The following PRMT7 variants were observed in gnomAD, a reference collection of about 807,000 sequenced individuals.
PRMT7 encodes protein arginine methyltransferase 7.
In PRMT7, 75 loss-of-function variants were observed where a neutral mutation model predicts 85.4. The observed-to-expected ratio is 0.88, with a 90% CI of 0.73 to 1.06. The LOEUF (loss-of-function observed/expected upper bound fraction) is 1.06. PRMT7 is among the 50% of genes least tolerant of loss of function. PRMT7 has a pLI of 0.00. For missense variants in PRMT7, 868 were observed against 915.2 expected (o/e 0.95, Z 0.67); for synonymous variants, 397 against 359.5 (o/e 1.10, Z -1.18).
intron 6 of PRMT7, among the ~76,000 whole-genome samples, chr16:68,334,060 C>T (rs1205476829): frequency 6.6e-6 from 1 of 152,196 alleles, no homozygotes; most frequent in Non-Finnish European, 1.5e-5. Flanking sequence ...CATGAACCAC[C>T]ACGCCTGGCC....
At chr16:68,313,506 T>C (rs1377894605) in intron 2 of PRMT7, among the ~76,000 whole-genome samples, 1 of 152,164 alleles carries the variant, frequency 6.6e-6, no homozygotes. Flanking sequence ...CCTTTCTAAT[T>C]GGATGAAATG....
chr16:68,320,785 A>ATTC (rs2082397774), intron 3 of PRMT7, among the ~76,000 whole-genome samples: 4 of 152,164 alleles, frequency 2.6e-5, no homozygotes, highest in Non-Finnish European at 4.4e-5. Context: ...AGCACTAGAG[A>ATTC]ATAACAGCTT....
Position 68,356,692 on chromosome 16 carries a change from C to G in PRMT7, c.1812-9C>G, listed in dbSNP as rs1157281422. ...GACTACTTCTGCTGGGCCCCCCTCT[C>G]CTTGACAGGCCCGGGCAGAGCCACG... is the stretch of plus-strand genomic sequence containing the variant. On this transcript the variant is annotated splice_polypyrimidine_tract_variant and intron_variant, in intron 17 of 18. Coordinates refer to ENST00000441236, the MANE Select transcript of PRMT7 (RefSeq NM_019023.5). 6.2e-7 allele frequency: 1 copy of G among 1,609,630 alleles called. No individual in the cohort carries two copies. Among genetic ancestry groups the G allele is most frequent in the African/African-American group, 1.3e-5 (1 of 74,850 alleles).
intron 17 of PRMT7, among the ~76,000 whole-genome samples, chr16:68,356,162 T>A (rs2088410194): frequency 6.6e-6 from 1 of 152,214 alleles, no homozygotes; most frequent in Non-Finnish European, 1.5e-5. Context: ...GGGAGCTTAC[T>A]TCCTGTGGTC....
intron 9 of PRMT7, among the ~76,000 whole-genome samples, chr16:68,344,284 G>A (rs921888311): frequency 6.6e-6 from 1 of 152,150 alleles, no homozygotes; most frequent in African/African-American, 2.4e-5. Flanking sequence ...CTACTTTTTA[G>A]GGCAGTTCTT....
At position 68,329,116 on chromosome 16, in the gene PRMT7, C is replaced by T. The variant is rs750031994; in HGVS notation, c.333C>T (p.Gly111=). The T allele has an allele frequency of 8.7e-6, 14 of 1,612,872 alleles. No individual in the cohort carries two copies. The highest frequency in any genetic ancestry group is 4.4e-5 in the South Asian group (4 of 91,018). ...DAAVKIVEKN[G]FSDKIKVINK... Reference sequence around the variant, plus strand: ...CTGTGAAGATTGTGGAGAAAAATGGCTTTAGTGATAAGATTAAGGTTATCA... The same window carrying T: ...CTGTGAAGATTGTGGAGAAAAATGGTTTTAGTGATAAGATTAAGGTTATCA... Residue 111 remains glycine (G), a synonymous_variant, in exon 6 of 19, where the codon GGC becomes GGT. Coordinates refer to ENST00000441236, the MANE Select transcript of PRMT7 (RefSeq NM_019023.5).
Position 68,327,094 on chromosome 16 carries a change from G to A in PRMT7, c.283-1972G>A, listed in dbSNP as rs142508295. Among the ~76,000 whole-genome samples, 84 of 152,276 alleles carry A rather than the reference G, an allele frequency of 5.5e-4. 1 individual carries two copies. The highest frequency in any genetic ancestry group is 1.7e-3 in the South Asian group (8 of 4,824). ...TGTGTATTCCATGTAAATACTGCGC[G>A]CTAATCAATTGCACAACTGGAGCTG... On this transcript the variant is annotated intron_variant, in intron 5 of 18. Transcript: ENST00000441236.
intron 9 of PRMT7, among the ~76,000 whole-genome samples, chr16:68,340,273 G>A (rs1010264321): frequency 2.0e-5 from 3 of 152,072 alleles, no homozygotes; most frequent in Non-Finnish European, 4.4e-5. Context: ...ATCCCAGGGG[G>A]CTCCCATCAG....
chr16:68,346,404 C>CA, intron 11 of PRMT7, 124 bp downstream of exon 11: 1 of 1,365,030 alleles, frequency 7.3e-7, no homozygotes, highest in South Asian at 1.4e-5. Flanking sequence ...TGAGTGGCTT[C>CA]AGCGAGCGCC....
At chr16:68,359,679 G>C (rs2089120790), downstream of PRMT7, 3 of 152,676 alleles carry the variant, frequency 2.0e-5, no homozygotes, top group African/African-American at 7.2e-5. Context: ...GCCGGCCCTG[G>C]GCCAGGCTGG....
At chr16:68,324,940 C>G (rs1233240480) in intron 5 of PRMT7, 108 bp downstream of exon 5, 4 of 1,414,010 alleles carry the variant, frequency 2.8e-6, no homozygotes, top group Admixed American at 4.2e-5. Flanking sequence ...AGTGCTCACT[C>G]TGTGCCAAGC....
chr16:68,322,661 C>T (rs2082632472), intron 4 of PRMT7, among the ~76,000 whole-genome samples: 1 of 152,072 alleles, frequency 6.6e-6, no homozygotes, highest in Non-Finnish European at 1.5e-5. Flanking sequence ...AATTTAATGG[C>T]ATCGTTAAAG....
chr16:68,316,214 T>G, intron 3 of PRMT7, 140 bp downstream of exon 3: 1 of 708,360 alleles, frequency 1.4e-6, no homozygotes, highest in Admixed American at 2.7e-5. Context: ...TGAGCAGGTC[T>G]GCTCAGCCAG....
chr16:68,355,812 C>G lies in PRMT7; in HGVS notation c.1740C>G (p.Ile580Met), dbSNP rs754103598. Residue 580 changes from isoleucine (I) to methionine (M), a missense_variant, in exon 17 of 19, where the codon ATC becomes ATG. Coordinates refer to ENST00000441236, the MANE Select transcript of PRMT7 (RefSeq NM_019023.5). Reference sequence around the variant, plus strand: ...GCAGCCTCTCCGAGCCCTGGCAGATCCTGACCTTTGACTTCCAGCAGCCGG... The same window carrying G: ...GCAGCCTCTCCGAGCCCTGGCAGATGCTGACCTTTGACTTCCAGCAGCCGG... ...PCRSLSEPWQ[I>M]LTFDFQQPVP... is the part of the protein sequence containing the mutation. The G allele has an allele frequency of 1.9e-6, 3 of 1,611,510 alleles. No individual in the cohort carries two copies. The African/African-American group carries it at 4.0e-5, about 22-fold the overall frequency.
At position 68,313,294 on chromosome 16, in the gene PRMT7, C is replaced by A. The variant is rs143455154; in HGVS notation, c.-84+1118C>A. Among the ~76,000 whole-genome samples the A allele has an allele frequency of 4.7e-4, 72 of 152,256 alleles. 1 individual carries two copies. The highest frequency in any genetic ancestry group is 1.6e-3 in the African/African-American group (67 of 41,526). On this transcript the variant is annotated intron_variant, in intron 2 of 18. Coordinates refer to ENST00000441236, the MANE Select transcript of PRMT7 (RefSeq NM_019023.5). ...AGGTTTGAGGGAGGCACGTCTGACACAGGCACATGAACACCCAGTCATCAC... is the reference window on the plus strand; with the variant it reads ...AGGTTTGAGGGAGGCACGTCTGACAAAGGCACATGAACACCCAGTCATCAC...
At chr16:68,348,011 A>T (rs889161704) in intron 13 of PRMT7, among the ~76,000 whole-genome samples, 1 of 152,158 alleles carries the variant, frequency 6.6e-6, no homozygotes, top group African/African-American at 2.4e-5. Flanking sequence ...GCCTGATGGG[A>T]GATGGCATTT....
rs572219685 is a variant in PRMT7 at position 68,339,052 on chromosome 16, C to T, written c.505-270C>T. Among the ~76,000 whole-genome samples, 81 of 152,256 alleles carry T rather than the reference C, an allele frequency of 5.3e-4. No individual in the cohort carries two copies. In the South Asian group the frequency reaches 1.0e-2, roughly 19 times the overall value. ...CCAGGATCACCACCCAGCAGCAGGACGTGAAGCATTTAAGAGTGCCAGGTA... is the reference window on the plus strand; with the variant it reads ...CCAGGATCACCACCCAGCAGCAGGATGTGAAGCATTTAAGAGTGCCAGGTA... On this transcript the variant is annotated intron_variant, in intron 7 of 18. Coordinates refer to ENST00000441236, the MANE Select transcript of PRMT7 (RefSeq NM_019023.5).
At chr16:68,360,420 AG>A (rs2089187020), downstream of PRMT7, 1 of 148,132 alleles carries the variant, frequency 6.8e-6, no homozygotes, top group Non-Finnish European at 1.5e-5. Context: ...AGGCTCCCGG[AG>A]GAGGCCCAGG....
chr16:68,340,677 G>A (rs993881240), intron 9 of PRMT7, among the ~76,000 whole-genome samples: 1 of 152,166 alleles, frequency 6.6e-6, no homozygotes, highest in Non-Finnish European at 1.5e-5. Flanking sequence ...CAAGCACACT[G>A]TTGGGGAAGC....
Sources: allele counts gnomAD v4.1 joint callset (sites outside exome capture counted in the v4.1 genomes callset), GRCh38; gene constraint gnomAD v4.1.1; transcripts MANE v1.5; gene names NCBI Gene and HGNC (gene_info 2026-07-23, HGNC 2026-07-21).